Variants in ANKRD28 observed in about 807,000 individuals in gnomAD.
ANKRD28 encodes ankyrin repeat domain 28, also known as serine/threonine-protein phosphatase 6 regulatory ankyrin repeat subunit A.
Under a neutral mutation model 126.5 loss-of-function variants are expected in ANKRD28, and 44 were observed. The observed-to-expected ratio is 0.35, with a 90% CI of 0.27 to 0.45. The LOEUF is 0.45. Among genes scored for constraint, ANKRD28 ranks in the 20% least tolerant of loss-of-function variants. The probability of loss-of-function intolerance (pLI) is 1.00; values close to 1 mark genes in which losing one functional copy is unlikely to be tolerated. For synonymous variants in ANKRD28, 442 were observed against 468.5 expected, an observed-to-expected ratio of 0.94 and a Z score of 0.73; for missense variants, 1,110 against 1,316.6, an observed-to-expected ratio of 0.84 and a Z score of 2.43.
At chr3:15,706,976 A>T (rs77421339) in intron 14 of ANKRD28, among the ~76,000 whole-genome samples, 27 of 152,336 alleles carry the variant, frequency 1.8e-4, no homozygotes, top group African/African-American at 6.3e-4. Flanking sequence ...AATCCAACAT[A>T]AAAAAAGTTA....
At chr3:15,715,928 A>G (rs1275443435) in intron 8 of ANKRD28, among the ~76,000 whole-genome samples, 1 of 152,012 alleles carries the variant, frequency 6.6e-6, no homozygotes, top group Non-Finnish European at 1.5e-5. Flanking sequence ...TCTTTCCAAA[A>G]TGTTCCAGAT....
rs2068082560 is a variant in ANKRD28, at chr3:15,686,010, G to A, written c.2161C>T (p.His721Tyr). The A allele has an allele frequency of 6.2e-7, 1 of 1,612,920 alleles. No homozygotes were observed. Among genetic ancestry groups the A allele is most frequent in the African/African-American group, 1.3e-5 (1 of 74,904 alleles). Reference sequence around the variant, plus strand: ...AGCATATTTCTGCTTACCCCTCTATGCAACGCTGTCCTTCCCCACTTATCT... The same window carrying A: ...AGCATATTTCTGCTTACCCCTCTATACAACGCTGTCCTTCCCCACTTATCT... ...AKDKWGRTAL[H>Y]RGAVTGHEEC... Residue 721 changes from histidine to tyrosine, a missense_variant, in exon 20 of 28, where the codon CAT becomes TAT. Coordinates refer to ENST00000683139, the MANE Select transcript of ANKRD28 (RefSeq NM_001349278.2).
Position 15,737,229 on chromosome 3 carries a change from G to A in ANKRD28, c.356C>T (p.Ala119Val). The A allele has an allele frequency of 2.5e-6, 4 of 1,612,788 alleles. No individual in the cohort carries two copies. The highest frequency in any genetic ancestry group is 2.5e-6 in the Non-Finnish European group (3 of 1,179,280). The change falls in exon 5 of 28, where the codon GCA (alanine) becomes GTA (valine). Residue 119 changes from alanine (A) to valine (V), a missense_variant. By Grantham distance (64) the Ala-to-Val change is moderately conservative. Transcript: ENST00000683139. ...HRAVASCSEE[A>V]VQVLLKHSAD... Reference sequence around the variant, plus strand: ...AGAATGCTTCAAAAGTACCTGAACTGCTTCCTAAAACATATGAAAAGTTAT... The same window carrying A: ...AGAATGCTTCAAAAGTACCTGAACTACTTCCTAAAACATATGAAAAGTTAT...
chr3:15,737,449 A>G (rs944390009), intron 4 of ANKRD28, among the ~76,000 whole-genome samples: 2 of 152,044 alleles, frequency 1.3e-5, no homozygotes, highest in African/African-American at 4.8e-5. Flanking sequence ...GCCATATAAG[A>G]TGCATCAAGA....
chr3:15,698,796 G>T (rs751796373), intron 14 of ANKRD28, among the ~76,000 whole-genome samples: 3 of 152,142 alleles, frequency 2.0e-5, no homozygotes, highest in Non-Finnish European at 4.4e-5. Context: ...AATCAATATT[G>T]TGAAAATGGC....
chr3:15,778,724 T>A (rs1213254268), intron 2 of ANKRD28, among the ~76,000 whole-genome samples: 2 of 152,210 alleles, frequency 1.3e-5, no homozygotes, highest in African/African-American at 4.8e-5. Context: ...GAGTCAGCTT[T>A]GTGCTCTGCC....
chr3:15,811,583 G>A (rs1258662164), intron 1 of ANKRD28, among the ~76,000 whole-genome samples: 1 of 151,890 alleles, frequency 6.6e-6, no homozygotes, highest in East Asian at 2.0e-4. Flanking sequence ...GCCTCCAGAG[G>A]AGCTGGGACT....
At chr3:15,802,355 G>A (rs1016725115), upstream of ANKRD28, among the ~76,000 whole-genome samples, 1 of 152,154 alleles carries the variant, frequency 6.6e-6, no homozygotes. Flanking sequence ...TACAAGCCTT[G>A]GACTGTCTAC....
At chr3:15,673,690 G>T (rs1209237940) in intron 27 of ANKRD28, among the ~76,000 whole-genome samples, 1 of 152,162 alleles carries the variant, frequency 6.6e-6, no homozygotes, top group Non-Finnish European at 1.5e-5. Context: ...GCTAAGATTT[G>T]AAACAGGTGA....
intron 6 of ANKRD28, among the ~76,000 whole-genome samples, chr3:15,729,010 T>C (rs891217253): frequency 1.3e-5 from 2 of 152,162 alleles, no homozygotes; most frequent in African/African-American, 4.8e-5. Flanking sequence ...GTAACTGACA[T>C]CATCTTGAAT....
intron 1 of ANKRD28, among the ~76,000 whole-genome samples, chr3:15,842,649 G>C (rs1334381798): frequency 6.6e-6 from 1 of 152,078 alleles, no homozygotes; most frequent in Admixed American, 6.5e-5. Context: ...ACCCAGATGT[G>C]GTTAGTATAT....
rs1005872356 is a variant in ANKRD28, at chr3:15,833,567, A to G, written c.27+25810T>C. On this transcript the variant is annotated intron_variant, in intron 1 of 27. Coordinates refer to the ANKRD28 transcript ENST00000399451. The surrounding 1 kb of genome is among the most constrained non-coding windows in gnomAD (Gnocchi z 4.4). ...TTTTATATATATAATGTGTGTGTGT[A>G]TATATATATCTCCTATTAGTTCTGT... is the stretch of plus-strand genomic sequence containing the variant. Among the ~76,000 whole-genome samples the G allele has an allele frequency of 2.7e-5, 4 of 149,798 alleles. No homozygotes were observed. The highest frequency in any genetic ancestry group is 1.3e-4 in the Admixed American group (2 of 14,994).
chr3:15,674,567 G>A (rs887612073), intron 27 of ANKRD28, among the ~76,000 whole-genome samples: 3 of 152,176 alleles, frequency 2.0e-5, no homozygotes, highest in African/African-American at 7.2e-5. Flanking sequence ...GATATATAGA[G>A]ACTGTGAGAA....
At chr3:15,750,797 G>A (rs967204062) in intron 4 of ANKRD28, among the ~76,000 whole-genome samples, 2 of 152,134 alleles carry the variant, frequency 1.3e-5, no homozygotes, top group African/African-American at 4.8e-5. Context: ...ATAGTCCCAT[G>A]ATGGACAGAA....
intron 23 of ANKRD28, 47 bp downstream of exon 23, chr3:15,679,254 G>T: frequency 6.4e-7 from 1 of 1,550,668 alleles, no homozygotes; most frequent in Non-Finnish European, 8.9e-7. Context: ...ATAGGCATGA[G>T]CCACTGTGCC....
chr3:15,696,363 A>G (rs2069552519), intron 14 of ANKRD28, 118 bp from the exon 15 acceptor site: 1 of 615,582 alleles, frequency 1.6e-6, no homozygotes. Flanking sequence ...TATAAAAATC[A>G]TAAATGTATT....
intron 4 of ANKRD28, among the ~76,000 whole-genome samples, chr3:15,750,270 C>T (rs1002751950): frequency 6.6e-6 from 1 of 152,136 alleles, no homozygotes; most frequent in Non-Finnish European, 1.5e-5. Flanking sequence ...TTAATATGTT[C>T]CAATAACAGT....
At chr3:15,792,258 A>T (rs538737460) in intron 2 of ANKRD28, among the ~76,000 whole-genome samples, 1 of 152,322 alleles carries the variant, frequency 6.6e-6, no homozygotes, top group East Asian at 1.9e-4. Context: ...TATCGAAGAG[A>T]TCTGCACTCC....
intron 1 of ANKRD28, among the ~76,000 whole-genome samples, chr3:15,813,087 A>C (rs1405726690): frequency 2.0e-5 from 3 of 150,664 alleles, no homozygotes; most frequent in Admixed American, 2.0e-4. Context: ...TAAAAAGTTT[A>C]ATACAATGGC....
Sources: gnomAD v4.1 joint callset for allele counts (sites outside exome capture counted in the v4.1 genomes callset) on GRCh38, gnomAD v4.1.1 for gene constraint, Gnocchi (gnomAD v3.1) non-coding constraint, MANE v1.5 for transcripts, NCBI Gene and HGNC (gene_info 2026-07-23, HGNC 2026-07-21) for gene names.